The following ANXA2 variants were observed in gnomAD, a reference collection of about 807,000 sequenced individuals.
ANXA2 encodes annexin A2.
A neutral mutation model predicts 47.3 loss-of-function variants in ANXA2; 28 were observed. The ratio of observed to expected loss-of-function variants is 0.59; its 90% CI spans 0.44 to 0.81. The LOEUF is 0.81. ANXA2 is among the 40% of genes least tolerant of loss of function. The pLI, the probability that ANXA2 is intolerant of heterozygous loss-of-function variation, is 0.00. For synonymous variants in ANXA2, 172 were observed against 155.5 expected (o/e 1.11, Z -0.79); for missense variants, 384 against 414.3 (o/e 0.93, Z 0.64).
In ANXA2 at chr15:60,349,211, T is replaced by G; in HGVS notation, c.838-14A>C. The G allele has an allele frequency of 6.2e-7, 1 of 1,613,500 alleles. No homozygotes were observed. Among genetic ancestry groups the G allele is most frequent in the Non-Finnish European group, 8.5e-7 (1 of 1,179,568 alleles). Reference sequence around the variant, plus strand: ...CGTCCCCTTGCCCTGAAAATCAAGTTGATATTTGTTACATTCGCTGAGAAT... The same window carrying G: ...CGTCCCCTTGCCCTGAAAATCAAGTGGATATTTGTTACATTCGCTGAGAAT... On this transcript the variant is annotated splice_polypyrimidine_tract_variant and intron_variant, in intron 11 of 12. Transcript: ENST00000451270.
intron 1 of ANXA2, among the ~76,000 whole-genome samples, chr15:60,397,554 C>G (rs1197018358): frequency 3.3e-5 from 5 of 152,178 alleles, no homozygotes; most frequent in Non-Finnish European, 5.9e-5. Context: ...ACTGCTGCGC[C>G]GGGGACCTGC....
chr15:60,387,638 T>A (rs1036251214), intron 1 of ANXA2, among the ~76,000 whole-genome samples: 2 of 152,188 alleles, frequency 1.3e-5, no homozygotes, highest in Admixed American at 6.5e-5. Context: ...GGGAGGGGAT[T>A]ATTAAGGCAA....
intron 3 of ANXA2, among the ~76,000 whole-genome samples, chr15:60,365,585 G>C (rs557347557): frequency 6.6e-6 from 1 of 152,184 alleles, no homozygotes; most frequent in Non-Finnish European, 1.5e-5. Context: ...AAACTGTAAC[G>C]CTTGAGACAA....
intron 7 of ANXA2, 79 bp from the exon 8 acceptor site, chr15:60,354,292 G>T: frequency 3.5e-6 from 4 of 1,136,322 alleles, no homozygotes; most frequent in Non-Finnish European, 3.8e-6. Context: ...CCCAGTCCAT[G>T]TACGCCATTA....
At chr15:60,348,952 A>G (rs191052180) in intron 12 of ANXA2, 123 bp downstream of exon 12, 7 of 1,116,444 alleles carry the variant, frequency 6.3e-6, no homozygotes, top group Admixed American at 2.1e-5. Context: ...GATGACTAGC[A>G]TCTCTTCCCC....
intron 1 of ANXA2, chr15:60,386,872 C>G (rs1270807608): frequency 6.6e-6 from 1 of 152,114 alleles, no homozygotes; most frequent in Non-Finnish European, 1.5e-5. Flanking sequence ...TCAACAGAGA[C>G]AAGACAGGTC....
chr15:60,393,390 A>T, intron 1 of ANXA2: 1 of 1,010,156 alleles, frequency 9.9e-7, no homozygotes, highest in Non-Finnish European at 1.2e-6. Flanking sequence ...CTGCAACTCA[A>T]TTTCAGTGTT....
chr15:60,376,556 C>T (rs570495497), intron 3 of ANXA2, among the ~76,000 whole-genome samples: 76 of 152,238 alleles, frequency 5.0e-4, no homozygotes, highest in African/African-American at 1.7e-3. Context: ...CAGTTGAGCA[C>T]AGCAATTAGG....
At chr15:60,368,214 C>T (rs2140866566) in intron 3 of ANXA2, among the ~76,000 whole-genome samples, 1 of 147,338 alleles carries the variant, frequency 6.8e-6, no homozygotes, top group South Asian at 2.1e-4. Context: ...AACCAGAGAC[C>T]TTTGTTCACT....
chr15:60,378,509 A>C (rs1282552897), intron 3 of ANXA2, among the ~76,000 whole-genome samples: 2 of 152,208 alleles, frequency 1.3e-5, no homozygotes, highest in Non-Finnish European at 2.9e-5. Context: ...TCACTACCAT[A>C]ACCAATGCTA....
chr15:60,379,486 GA>G (rs1402216367), intron 3 of ANXA2, among the ~76,000 whole-genome samples: 1 of 150,048 alleles, frequency 6.7e-6, no homozygotes, highest in South Asian at 2.1e-4. Flanking sequence ...CCAAGGCAAT[GA>G]AAAAAATCCA....
intron 2 of ANXA2, among the ~76,000 whole-genome samples, chr15:60,385,245 A>G (rs1206609717): frequency 6.6e-6 from 1 of 152,176 alleles, no homozygotes; most frequent in Non-Finnish European, 1.5e-5. Context: ...TTTAGAGAAA[A>G]TATTTTCCAG....
intron 3 of ANXA2, among the ~76,000 whole-genome samples, chr15:60,367,058 C>T (rs1186979717): frequency 1.6e-5 from 1 of 62,200 alleles, no homozygotes; most frequent in Admixed American, 1.4e-4. Context: ...CCGCCCCGTC[C>T]GGGAGGGGGG....
At position 60,354,081 on chromosome 15, in the gene ANXA2, G is replaced by A. The variant is rs551640886; in HGVS notation, c.588+73C>T. On this transcript the variant is annotated intron_variant, in intron 8 of 12. Coordinates refer to ENST00000451270, the MANE Select transcript of ANXA2 (RefSeq NM_004039.3). ...GTTTGGGAGTCATTTGTCACACAGA[G>A]TTAAATTACTATATAGACTATCCAG... 53 of 1,230,250 alleles carry A rather than the reference G, an allele frequency of 4.3e-5. No homozygotes were observed. In the East Asian group the frequency reaches 1.1e-3, roughly 25 times the overall value. The allele number at this position is 1,230,250 out of a possible 1,614,324, so 76.2% of individuals were successfully genotyped here. A position where few individuals can be genotyped will look rare whatever the true frequency, so the allele number is the denominator to read the frequency against.
At chr15:60,348,731 G>T (rs1267208459) in intron 12 of ANXA2, among the ~76,000 whole-genome samples, 1 of 139,626 alleles carries the variant, frequency 7.2e-6, no homozygotes, top group Non-Finnish European at 1.5e-5. Context: ...GGGCGAGAGA[G>T]CAAGACTCCG....
chr15:60,380,519 T>C (rs538600805), intron 3 of ANXA2, among the ~76,000 whole-genome samples: 47 of 148,462 alleles, frequency 3.2e-4, no homozygotes, highest in South Asian at 4.2e-4. Flanking sequence ...AGAAAAAAGA[T>C]TGGGCTGGGT....
chr15:60,354,906 C>T (rs899921505), intron 7 of ANXA2, among the ~76,000 whole-genome samples: 1 of 152,156 alleles, frequency 6.6e-6, no homozygotes, highest in Non-Finnish European at 1.5e-5. Flanking sequence ...ACTAGAAAGA[C>T]ACAAAATGCG....
At position 60,347,889 on chromosome 15, in the gene ANXA2, G is replaced by A. The variant is rs147070526; in HGVS notation, c.961-200C>T. ...GGAAGCCTCCAGGAGTGTGGTCGGA[G>A]GAGGTGCTGGGGAAGACACTCAAGG... On this transcript the variant is annotated intron_variant, in intron 12 of 12. Coordinates refer to ENST00000451270, the MANE Select transcript of ANXA2 (RefSeq NM_004039.3). Among the ~76,000 whole-genome samples, 7 of 152,312 alleles carry A rather than the reference G, an allele frequency of 4.6e-5. No individual in the cohort carries two copies. The East Asian group carries it at 1.4e-3, about 29-fold the overall frequency.
chr15:60,388,765 G>C (rs1203644202), intron 1 of ANXA2, among the ~76,000 whole-genome samples: 1 of 148,048 alleles, frequency 6.8e-6, no homozygotes, highest in African/African-American at 2.5e-5. Context: ...TCTGAGACAG[G>C]GTTTCTCTCT....
Sources: allele counts gnomAD v4.1 joint callset (sites outside exome capture counted in the v4.1 genomes callset), GRCh38; gene constraint gnomAD v4.1.1; transcripts MANE v1.5; gene names NCBI Gene and HGNC (gene_info 2026-07-23, HGNC 2026-07-21).